The following KHDRBS2 variants were observed in gnomAD, a reference collection of about 807,000 sequenced individuals.
KHDRBS2 encodes the protein KH domain-containing, RNA-binding, signal transduction-associated protein 2.
KHDRBS2 carries 26 observed loss-of-function variants against 44.3 expected under a neutral mutation model. The ratio of observed to expected loss-of-function variants is 0.59; its 90% CI spans 0.43 to 0.81. The LOEUF (loss-of-function observed/expected upper bound fraction) is 0.81. Ranked by LOEUF, KHDRBS2 falls within the 40% of genes least tolerant of loss-of-function variation. The pLI is 0.00. For missense variants in KHDRBS2, 476 were observed against 433.1 expected (o/e 1.10, Z -0.88); for synonymous variants, 194 against 151.1 (o/e 1.28, Z -2.08).
intron 1 of KHDRBS2, among the ~76,000 whole-genome samples, chr6:62,198,484 A>G (rs1826167442): frequency 1.3e-5 from 2 of 152,220 alleles, no homozygotes; most frequent in East Asian, 3.9e-4. Flanking sequence ...TAGAAAATCT[A>G]GAAGAAATGG....
At chr6:62,186,847 T>C (rs923895137) in intron 1 of KHDRBS2, among the ~76,000 whole-genome samples, 5 of 152,102 alleles carry the variant, frequency 3.3e-5, no homozygotes, top group African/African-American at 9.7e-5. Context: ...GAATAAAACA[T>C]TTTATTGATA....
chr6:62,157,965 T>G (rs1205631864), intron 2 of KHDRBS2, among the ~76,000 whole-genome samples: 1 of 152,214 alleles, frequency 6.6e-6, no homozygotes, highest in Admixed American at 6.5e-5. Flanking sequence ...TTCTGTACAG[T>G]ATTTATTCCA....
intron 6 of KHDRBS2, among the ~76,000 whole-genome samples, chr6:61,760,458 C>T (rs987583205): frequency 6.6e-6 from 1 of 151,836 alleles, no homozygotes; most frequent in Non-Finnish European, 1.5e-5. Context: ...CATGACAAAA[C>T]CTCAACTCTA....
At chr6:62,071,047 G>C (rs1295590370) in intron 2 of KHDRBS2, among the ~76,000 whole-genome samples, 1 of 152,100 alleles carries the variant, frequency 6.6e-6, no homozygotes, top group Non-Finnish European at 1.5e-5. Flanking sequence ...GGTGTGAGAT[G>C]GTATCTCATT....
the KHDRBS2 span, among the ~76,000 whole-genome samples, chr6:61,550,832 G>T: frequency 2.1e-5 from 3 of 141,682 alleles, no homozygotes; most frequent in East Asian, 4.3e-4. Context: ...GGAGTGTAGT[G>T]CATGATCTCG....
chr6:61,963,443 C>T (rs1481331997), intron 4 of KHDRBS2, among the ~76,000 whole-genome samples: 1 of 152,046 alleles, frequency 6.6e-6, no homozygotes, highest in Non-Finnish European at 1.5e-5. Flanking sequence ...ACAAGGACTA[C>T]TTGGCCAAAT....
In KHDRBS2 at chr6:61,680,186, A is replaced by G. The variant is rs1251582892; in HGVS notation, c.*777T>C. The G allele has an allele frequency of 1.3e-5, 2 of 152,374 alleles. No individual in the cohort carries two copies. The highest frequency in any genetic ancestry group is 4.1e-4 in the South Asian group (2 of 4,832). 9.4% of individuals were successfully genotyped at this position (152,374 alleles called of 1,614,324 possible). A position where few individuals can be genotyped will look rare whatever the true frequency, so the allele number is the denominator to read the frequency against. On this transcript the variant is annotated 3_prime_UTR_variant, in exon 9 of 9. Transcript: ENST00000281156. ...AGAAAACATTTTAGGCATCTCTTGAAGAAGAAATAAAGCAGGCATTTAAAG... is the reference window on the plus strand; with the variant it reads ...AGAAAACATTTTAGGCATCTCTTGAGGAAGAAATAAAGCAGGCATTTAAAG...
At chr6:62,186,940 C>A (rs1823555816) in intron 1 of KHDRBS2, among the ~76,000 whole-genome samples, 1 of 152,060 alleles carries the variant, frequency 6.6e-6, no homozygotes, top group South Asian at 2.1e-4. Context: ...TTAGTTCTTG[C>A]TAAGTTAAAT....
chr6:61,989,979 A>G (rs960988002), intron 3 of KHDRBS2, among the ~76,000 whole-genome samples: 3 of 152,194 alleles, frequency 2.0e-5, no homozygotes, highest in African/African-American at 7.2e-5. Context: ...TGCATGGGCT[A>G]ACTTGTATGT....
chr6:62,061,504 C>T (rs1286751536), intron 2 of KHDRBS2, among the ~76,000 whole-genome samples: 3 of 149,298 alleles, frequency 2.0e-5, no homozygotes, highest in Admixed American at 2.0e-4. Flanking sequence ...TATTGGCCCC[C>T]ACTCTCTTCT....
intron 3 of KHDRBS2, among the ~76,000 whole-genome samples, chr6:61,993,677 T>A (rs2343666): frequency 0.54 from 42,280 of 77,634 alleles, 12,128 homozygotes; most frequent in Non-Finnish European, 0.67. Context: ...ATATATATTT[T>A]TTTTTTTTGA....
chr6:62,253,052 C>T (rs966572514), intron 1 of KHDRBS2, among the ~76,000 whole-genome samples: 9 of 151,978 alleles, frequency 5.9e-5, no homozygotes, highest in African/African-American at 2.2e-4. Flanking sequence ...TTCCATGGAT[C>T]ACCTACCCCA....
At chr6:62,114,471 G>A (rs533925253) in intron 2 of KHDRBS2, among the ~76,000 whole-genome samples, 7 of 151,946 alleles carry the variant, frequency 4.6e-5, no homozygotes, top group African/African-American at 1.4e-4. Context: ...TTTGAGAAAC[G>A]GAACAGAATG....
chr6:61,891,419 C>T (rs1274948723), intron 6 of KHDRBS2, among the ~76,000 whole-genome samples: 3 of 152,102 alleles, frequency 2.0e-5, no homozygotes, highest in Non-Finnish European at 2.9e-5. Context: ...CTCTGCCAGG[C>T]TTTGGTATCA....
intron 1 of KHDRBS2, among the ~76,000 whole-genome samples, chr6:62,207,884 C>T (rs991625937): frequency 6.6e-6 from 1 of 152,124 alleles, no homozygotes; most frequent in African/African-American, 2.4e-5. Flanking sequence ...CACATCATCT[C>T]ACATAGTTAC....
the KHDRBS2 span, chr6:61,630,144 T>A: frequency 6.6e-6 from 1 of 152,252 alleles, no homozygotes. Context: ...CAATTATTTT[T>A]ACTATCTTAT....
At chr6:61,603,746 A>G in the KHDRBS2 span, among the ~76,000 whole-genome samples, 1 of 151,986 alleles carries the variant, frequency 6.6e-6, no homozygotes, top group Non-Finnish European at 1.5e-5. Flanking sequence ...CTTCAGCTAT[A>G]CTCACTCTTT....
intron 4 of KHDRBS2, 66 bp from the exon 5 acceptor site, chr6:61,901,437 AAAAAAG>A: frequency 7.6e-7 from 1 of 1,314,976 alleles, no homozygotes; most frequent in African/African-American, 1.5e-5. Flanking sequence ...TGGAAAAAAA[AAAAAAG>A]AAACAAAACA....
chr6:61,600,751 C>G, the KHDRBS2 span, among the ~76,000 whole-genome samples: 2 of 152,130 alleles, frequency 1.3e-5, no homozygotes, highest in Non-Finnish European at 2.9e-5. Context: ...CTAACCAGCC[C>G]AAGGAACATC....
Sources: allele counts gnomAD v4.1 joint callset (sites outside exome capture counted in the v4.1 genomes callset), GRCh38; gene constraint gnomAD v4.1.1; transcripts MANE v1.5; gene names NCBI Gene and HGNC (gene_info 2026-07-23, HGNC 2026-07-21).